Variants in SORL1 observed in about 807,000 individuals in gnomAD.
The protein encoded by SORL1 is sortilin related receptor 1.
A neutral mutation model predicts 273.7 loss-of-function variants in SORL1; 127 were observed. That is an observed-to-expected ratio of 0.46 (90% CI 0.40 to 0.54). SORL1 has a LOEUF of 0.54. Ranked by LOEUF, SORL1 falls within the 20% of genes least tolerant of loss-of-function variation. The pLI, the probability that SORL1 is intolerant of heterozygous loss-of-function variation, is 0.00. For synonymous variants in SORL1, 1,031 were observed against 1,067.4 expected (o/e 0.97, Z 0.66); for missense variants, 2,494 against 2,846.1 (o/e 0.88, Z 2.81).
At chr11:121,514,081 C>T (rs1218414136) in intron 7 of SORL1, 71 bp from the exon 8 acceptor site, 21 of 1,484,592 alleles carry the variant, frequency 1.4e-5, no homozygotes, top group African/African-American at 5.6e-5. Flanking sequence ...TCATTGCTTC[C>T]GTGTGTATAG....
At chr11:121,534,601 A>G (rs944814130) in intron 12 of SORL1, among the ~76,000 whole-genome samples, 2 of 152,268 alleles carry the variant, frequency 1.3e-5, no homozygotes, top group African/African-American at 2.4e-5. Flanking sequence ...TGTGTCCCAC[A>G]TAACAACCTG....
chr11:121,462,046 G>T (rs1565300037), intron 1 of SORL1, among the ~76,000 whole-genome samples: 1 of 152,168 alleles, frequency 6.6e-6, no homozygotes, highest in Non-Finnish European at 1.5e-5. Flanking sequence ...AAAAGGTGAA[G>T]TGACTTACCC....
intron 10 of SORL1, 102 bp from the exon 11 acceptor site, chr11:121,522,814 A>G (rs938657323): frequency 2.2e-6 from 3 of 1,369,572 alleles, no homozygotes; most frequent in Non-Finnish European, 3.1e-6. Flanking sequence ...GTGGTTTGAA[A>G]GCATTCTTAG....
chr11:121,616,616 G>A (rs988738494), intron 41 of SORL1, among the ~76,000 whole-genome samples: 5 of 152,174 alleles, frequency 3.3e-5, no homozygotes, highest in African/African-American at 9.7e-5. Context: ...TTTGCTTTGG[G>A]ACCCCTTTGA....
At chr11:121,602,608 G>A (rs771091473) in intron 32 of SORL1, among the ~76,000 whole-genome samples, 1 of 152,164 alleles carries the variant, frequency 6.6e-6, no homozygotes, top group Non-Finnish European at 1.5e-5. Flanking sequence ...TATGTTAGGA[G>A]GAAGGAGAAG....
chr11:121,523,318 A>G (rs1405038657), intron 11 of SORL1, among the ~76,000 whole-genome samples: 2 of 152,182 alleles, frequency 1.3e-5, no homozygotes, highest in Non-Finnish European at 2.9e-5. Context: ...CTCAGGGCAT[A>G]TATGCTGCAT....
chr11:121,517,880 A>T (rs1454175662), intron 8 of SORL1, among the ~76,000 whole-genome samples: 1 of 152,252 alleles, frequency 6.6e-6, no homozygotes, highest in Non-Finnish European at 1.5e-5. Flanking sequence ...ATAAAGGTGA[A>T]TTAGCACATC....
chr11:121,495,558 C>A (rs1174996950), intron 5 of SORL1, among the ~76,000 whole-genome samples: 1 of 152,132 alleles, frequency 6.6e-6, no homozygotes, highest in African/African-American at 2.4e-5. Context: ...CTAACTGAGG[C>A]CTTCTGCTTT....
intron 3 of SORL1, among the ~76,000 whole-genome samples, chr11:121,484,404 G>A (rs1160231761): frequency 6.6e-6 from 1 of 152,152 alleles, no homozygotes; most frequent in East Asian, 1.9e-4. Context: ...GAAGACGTGG[G>A]CCATGCCAAT....
chr11:121,574,221 G>T lies in SORL1; in HGVS notation c.3338-20G>T. The T allele has an allele frequency of 6.2e-7, 1 of 1,612,594 alleles. No homozygotes were observed. The highest frequency in any genetic ancestry group is 8.5e-7 in the Non-Finnish European group (1 of 1,178,876). On this transcript the variant is annotated intron_variant, in intron 23 of 47. Coordinates refer to ENST00000260197, the MANE Select transcript of SORL1 (RefSeq NM_003105.6). The stretch of plus-strand genomic sequence containing the variant: ...ATCAATTGTACCTAAGGAATATGTT[G>T]TCTTTCTATCCCATTTTAGCTACCA...
At position 121,514,253 on chromosome 11, in the gene SORL1, G is replaced by T. The variant is rs1446008946; in HGVS notation, c.1143G>T (p.Lys381Asn). Residue 381 changes from lysine to asparagine, a missense_variant, in exon 8 of 48, where the codon AAG (lysine) becomes AAT (asparagine). By Grantham distance (94) the Lys-to-Asn change is moderately conservative. Around this residue, in one of 3 missense-constraint regions of SORL1, gnomAD observed 710 missense variants for 882.5 expected, o/e 0.80. Transcript: ENST00000260197. ...ACATCTCAGAGGCAGAGGGGCTGAAGTTCTCCCTGTCCTTGGAGAACGTGC... is the reference window on the plus strand; with the variant it reads ...ACATCTCAGAGGCAGAGGGGCTGAATTTCTCCCTGTCCTTGGAGAACGTGC... ...NLYISEAEGLKFSLSLENVLY... is the reference protein window; with the variant it reads ...NLYISEAEGLNFSLSLENVLY... 1.9e-6 allele frequency: 3 copies of T among 1,614,108 alleles called. No individual in the cohort carries two copies. The African/African-American group carries it at 4.0e-5, about 22-fold the overall frequency.
At chr11:121,573,944 A>T (rs1046304733) in intron 23 of SORL1, among the ~76,000 whole-genome samples, 1 of 152,134 alleles carries the variant, frequency 6.6e-6, no homozygotes, top group Non-Finnish European at 1.5e-5. Flanking sequence ...GTCTGAAGGG[A>T]TCTTAGGAGG....
chr11:121,513,083 T>C lies in SORL1; in HGVS notation c.1020T>C (p.Phe340=), dbSNP rs776085761. 6.2e-7 allele frequency: 1 copy of C among 1,613,484 alleles called. No individual in the cohort carries two copies. Among genetic ancestry groups the C allele is most frequent in the South Asian group, 1.1e-5 (1 of 91,080 alleles). Reference sequence around the variant, plus strand: ...GGAAGCCCATGAGAGCAGCCCAGTTTGTCACAAGACATCCTATTAATGTGA... The same window carrying C: ...GGAAGCCCATGAGAGCAGCCCAGTTCGTCACAAGACATCCTATTAATGTGA... ...FGRKPMRAAQ[F]VTRHPINEYY... The change falls in exon 7 of 48, where the codon TTT becomes TTC. Residue 340 remains phenylalanine, a synonymous_variant. Transcript: ENST00000260197.
rs761865673 is a variant in SORL1 at position 121,452,491 on chromosome 11, G to C, written c.160G>C (p.Asp54His). Residue 54 changes from aspartate to histidine, a missense_variant, in exon 1 of 48, where the codon GAC becomes CAC. Asp to His is a moderately conservative substitution (Grantham distance 81). Around this residue, in one of 3 missense-constraint regions of SORL1, gnomAD observed 175 missense variants for 147.1 expected, o/e 1.19. Transcript: ENST00000260197. This position sits in a 1 kb window ranked among gnomAD's most constrained non-coding sequence, Gnocchi z 5.3. ...CCGGGGCTTCCTCGTGGTGCAGGGC[G>C]ACCCGCGCGAGCTGCGGCTGTGGGC... The part of the protein sequence containing the change: ...QDRGFLVVQG[D>H]PRELRLWARG... 19 of 1,485,374 alleles carry C rather than the reference G, an allele frequency of 1.3e-5. No individual in the cohort carries two copies. The highest frequency in any genetic ancestry group is 2.4e-5 in the Admixed American group (1 of 42,506). 92.0% of individuals were successfully genotyped at this position (1,485,374 alleles called of 1,614,324 possible). A position where few individuals can be genotyped will look rare whatever the true frequency, so the allele number is the denominator to read the frequency against.
chr11:121,607,193 A>G lies in SORL1; in HGVS notation c.5069A>G (p.Tyr1690Cys), dbSNP rs780752132. 1.1e-5 allele frequency: 18 copies of G among 1,600,708 alleles called. No homozygotes were observed. Among genetic ancestry groups the G allele is most frequent in the Non-Finnish European group, 1.4e-5 (16 of 1,167,904 alleles). ...HGLIREYIVE[Y>C]SRSGSKMWAS... is the part of the protein sequence containing the mutation. ...TTTTTCTTCTCCCTTTAGGTAGAAT[A>G]CAGCAGGAGTGGTTCCAAGATGTGG... Residue 1690 changes from tyrosine (Y) to cysteine (C), a missense_variant, in exon 37 of 48, where the codon TAC becomes TGC. Around this residue, in one of 3 missense-constraint regions of SORL1, gnomAD observed 1,609 missense variants for 1,816.4 expected, o/e 0.89. Coordinates refer to ENST00000260197, the MANE Select transcript of SORL1 (RefSeq NM_003105.6).
intron 11 of SORL1, among the ~76,000 whole-genome samples, chr11:121,529,967 A>C (rs77362534): frequency 6.6e-6 from 1 of 151,950 alleles, no homozygotes; most frequent in Non-Finnish European, 1.5e-5. Context: ...GGGCTTATCT[A>C]TGTGTATTTC....
intron 1 of SORL1, among the ~76,000 whole-genome samples, chr11:121,454,793 G>A (rs986294505): frequency 6.6e-6 from 1 of 152,216 alleles, no homozygotes; most frequent in African/African-American, 2.4e-5. Flanking sequence ...GACTGAAGGG[G>A]TTTGAGGTGC....
intron 44 of SORL1, 145 bp downstream of exon 44, chr11:121,621,383 T>G: frequency 1.4e-6 from 1 of 718,964 alleles, no homozygotes; most frequent in East Asian, 2.7e-5. Flanking sequence ...AGGGGCAGAG[T>G]AGTGCAGAGG....
At chr11:121,581,836 A>G (rs1352760389) in intron 25 of SORL1, among the ~76,000 whole-genome samples, 1 of 152,218 alleles carries the variant, frequency 6.6e-6, no homozygotes, top group Admixed American at 6.5e-5. Context: ...CTAGATTAGT[A>G]TGGCAATTGG....
Sources: gnomAD v4.1 joint callset for allele counts (sites outside exome capture counted in the v4.1 genomes callset) on GRCh38, gnomAD v4.1.1 for gene constraint, gnomAD v4.1.1 regional missense constraint, Gnocchi (gnomAD v3.1) non-coding constraint, MANE v1.5 for transcripts, NCBI Gene and HGNC (gene_info 2026-07-23, HGNC 2026-07-21) for gene names.